LOC128092252: variants seen among roughly 807,000 people sequenced by gnomAD.
the LOC128092252 span, among the ~76,000 whole-genome samples, chr15:50,672,279 C>A: frequency 6.6e-6 from 1 of 151,980 alleles, no homozygotes. Context: ...TCTGGATCTC[C>A]TGACCTCGTG....
the LOC128092252 span, among the ~76,000 whole-genome samples, chr15:50,650,795 C>G: frequency 1.1e-4 from 17 of 152,294 alleles, no homozygotes; most frequent in East Asian, 3.3e-3. Context: ...CCAAAGTAAT[C>G]TAATTGCATG....
At chr15:50,654,185 C>T in the LOC128092252 span, among the ~76,000 whole-genome samples, 1 of 152,152 alleles carries the variant, frequency 6.6e-6, no homozygotes, top group African/African-American at 2.4e-5. Flanking sequence ...TGCAGTGACT[C>T]ACACCATCCC....
At chr15:50,663,148 G>A in the LOC128092252 span, 1 of 893,800 alleles carries the variant, frequency 1.1e-6, no homozygotes, top group South Asian at 1.5e-5. Flanking sequence ...TTTTTTTTGA[G>A]ACAGAGTTTT....
the LOC128092252 span, among the ~76,000 whole-genome samples, chr15:50,650,512 T>C: frequency 6.6e-6 from 1 of 151,844 alleles, no homozygotes; most frequent in African/African-American, 2.4e-5. Context: ...CTGACCAATA[T>C]GGTGAAACTC....
At chr15:50,673,259 T>C in the LOC128092252 span, among the ~76,000 whole-genome samples, 1 of 152,152 alleles carries the variant, frequency 6.6e-6, no homozygotes, top group African/African-American at 2.4e-5. Flanking sequence ...ATACTATTTT[T>C]TATTTTTATT....
At chr15:50,653,968 C>T in the LOC128092252 span, among the ~76,000 whole-genome samples, 173 of 152,186 alleles carry the variant, frequency 1.1e-3, 2 homozygotes, top group Middle Eastern at 6.8e-3. Flanking sequence ...CACAAAAAAG[C>T]TATACCTTAA....
At chr15:50,669,942 T>C in the LOC128092252 span, among the ~76,000 whole-genome samples, 30 of 152,340 alleles carry the variant, frequency 2.0e-4, no homozygotes, top group African/African-American at 7.0e-4. Context: ...CTTATTTTGC[T>C]TTACTGTTAT....
chr15:50,659,202 A>AT, the LOC128092252 span, among the ~76,000 whole-genome samples: 1 of 152,214 alleles, frequency 6.6e-6, no homozygotes, highest in East Asian at 1.9e-4. Flanking sequence ...CAAAAAAAAA[A>AT]AAAAAGAAAG....
the LOC128092252 span, among the ~76,000 whole-genome samples, chr15:50,678,445 A>G: frequency 6.7e-6 from 1 of 150,152 alleles, no homozygotes; most frequent in Non-Finnish European, 1.5e-5. Flanking sequence ...TTCCCCTATC[A>G]GAGTTCAATA....
the LOC128092252 span, among the ~76,000 whole-genome samples, chr15:50,673,501 A>G: frequency 3.3e-5 from 5 of 152,106 alleles, no homozygotes; most frequent in South Asian, 1.0e-3. Context: ...GCTCCCACTT[A>G]TGAGTGGGAA....
the LOC128092252 span, chr15:50,657,707 T>C: frequency 1.1e-5 from 15 of 1,344,646 alleles, no homozygotes; most frequent in African/African-American, 2.2e-4. Flanking sequence ...GCCACTGTGT[T>C]CTAACTCATA....
At chr15:50,655,192 T>A in the LOC128092252 span, among the ~76,000 whole-genome samples, 1 of 151,100 alleles carries the variant, frequency 6.6e-6, no homozygotes, top group African/African-American at 2.4e-5. Flanking sequence ...TCCCAGCACT[T>A]TGGGTGGCCA....
chr15:50,650,062 G>C, the LOC128092252 span, among the ~76,000 whole-genome samples: 1 of 151,428 alleles, frequency 6.6e-6, no homozygotes, highest in Non-Finnish European at 1.5e-5. Flanking sequence ...GCATGGTGGC[G>C]CGTGCCTGTA....
the LOC128092252 span, among the ~76,000 whole-genome samples, chr15:50,678,327 TCAACATGCCTGCCAAGGGTGAC>T: frequency 1.3e-5 from 2 of 149,826 alleles, no homozygotes; most frequent in Non-Finnish European, 3.0e-5. Flanking sequence ...TGTACATGGG[TCAACATGCCTGCCAAGGGTGAC>T]CAACATGCCT....
the LOC128092252 span, among the ~76,000 whole-genome samples, chr15:50,655,993 C>T: frequency 8.5e-6 from 1 of 117,798 alleles, no homozygotes; most frequent in Non-Finnish European, 1.8e-5. Flanking sequence ...GACTCCATCT[C>T]AAAAAAAGAA....
chr15:50,654,934 G>A, the LOC128092252 span, among the ~76,000 whole-genome samples: 4 of 147,228 alleles, frequency 2.7e-5, no homozygotes, highest in African/African-American at 9.9e-5. Flanking sequence ...CCAGGATGCA[G>A]AGCTTGCAGT....
chr15:50,656,326 G>A, the LOC128092252 span, among the ~76,000 whole-genome samples: 1 of 151,956 alleles, frequency 6.6e-6, no homozygotes, highest in Non-Finnish European at 1.5e-5. Flanking sequence ...TGGAGACAGG[G>A]TCTTGCTCTG....
At chr15:50,678,230 ACTCT>A in the LOC128092252 span, among the ~76,000 whole-genome samples, 1 of 133,444 alleles carries the variant, frequency 7.5e-6, no homozygotes, top group Admixed American at 9.2e-5. Flanking sequence ...ACAGAGTGAG[ACTCT>A]CTCTCAAAAA....
At chr15:50,656,499 CTTTTTTT>C in the LOC128092252 span, among the ~76,000 whole-genome samples, 1 of 133,510 alleles carries the variant, frequency 7.5e-6, no homozygotes, top group East Asian at 2.2e-4. Context: ...GTGTGGTTTT[CTTTTTTT>C]TTTTTTTTTG....
Sources: allele counts gnomAD v4.1 joint callset (sites outside exome capture counted in the v4.1 genomes callset), GRCh38; gene constraint gnomAD v4.1.1; transcripts MANE v1.5.